Variants in KIF26B observed in about 807,000 individuals in gnomAD.
KIF26B encodes kinesin-like protein KIF26B.
In KIF26B, 63 loss-of-function variants were observed where a neutral mutation model predicts 151.2. That is an observed-to-expected ratio of 0.42 (90% CI 0.34 to 0.51). The LOEUF (loss-of-function observed/expected upper bound fraction) is 0.51, where lower values mean the gene tolerates loss of function less well. KIF26B is among the 20% of genes least tolerant of loss of function. The pLI, the probability that KIF26B is intolerant of heterozygous loss-of-function variation, is 0.07. For missense variants in KIF26B, 2,813 were observed against 2,913.6 expected (o/e 0.97, Z 0.79); for synonymous variants, 1,357 against 1,262.1 (o/e 1.08, Z -1.59).
intron 9 of KIF26B, among the ~76,000 whole-genome samples, chr1:245,627,175 C>G (rs1365368256): frequency 6.6e-6 from 1 of 152,112 alleles, no homozygotes; most frequent in Admixed American, 6.5e-5. Flanking sequence ...TGTGATGCCT[C>G]CAGCTTGTTT....
intron 10 of KIF26B, among the ~76,000 whole-genome samples, chr1:245,661,279 C>T (rs12407123): frequency 0.31 from 46,876 of 151,886 alleles, 8,990 homozygotes; most frequent in Non-Finnish European, 0.42. Context: ...TGAGCCACTG[C>T]GCCTGGCCCA....
At chr1:245,161,657 T>C (rs908121437) in intron 2 of KIF26B, among the ~76,000 whole-genome samples, 2 of 152,170 alleles carry the variant, frequency 1.3e-5, no homozygotes, top group African/African-American at 4.8e-5. Flanking sequence ...TAATCTCATA[T>C]ATTAAAATGA....
intron 2 of KIF26B, among the ~76,000 whole-genome samples, chr1:245,365,494 C>A (rs1372466595): frequency 6.6e-6 from 1 of 150,854 alleles, no homozygotes; most frequent in Non-Finnish European, 1.5e-5. Context: ...ATCTTCCTGC[C>A]CCGTCACTGC....
At chr1:245,273,719 C>CTCTT (rs1357303071) in intron 2 of KIF26B, among the ~76,000 whole-genome samples, 1 of 152,164 alleles carries the variant, frequency 6.6e-6, no homozygotes, top group Non-Finnish European at 1.5e-5. Flanking sequence ...TAGACTACCT[C>CTCTT]TCTTTACCCT....
At chr1:245,335,717 A>G in intron 2 of KIF26B, among the ~76,000 whole-genome samples, 1 of 145,638 alleles carries the variant, frequency 6.9e-6, no homozygotes, top group Non-Finnish European at 1.5e-5. Flanking sequence ...ACGTGGGGAA[A>G]GAAGAGTCCC....
At chr1:245,438,092 T>C (rs1157390887) in intron 4 of KIF26B, among the ~76,000 whole-genome samples, 1 of 152,246 alleles carries the variant, frequency 6.6e-6, no homozygotes, top group Non-Finnish European at 1.5e-5. Context: ...CTTTCCACTA[T>C]GTTCTGAGCC....
At chr1:245,377,223 T>TA (rs1255370109) in intron 3 of KIF26B, among the ~76,000 whole-genome samples, 1 of 152,240 alleles carries the variant, frequency 6.6e-6, no homozygotes, top group African/African-American at 2.4e-5. Context: ...CCTGTGGCTT[T>TA]AAAAGCAACA....
At chr1:245,419,225 G>A (rs949900824) in intron 3 of KIF26B, among the ~76,000 whole-genome samples, 4 of 152,146 alleles carry the variant, frequency 2.6e-5, no homozygotes, top group African/African-American at 9.7e-5. Flanking sequence ...GGCTATTCCT[G>A]GTAAGAAGCC....
At position 245,193,882 on chromosome 1, in the gene KIF26B, G is replaced by A. The variant is rs898974862; in HGVS notation, c.465+37199G>A. ...AAACAACTGGCAAATCAATGGCAGA[G>A]AAAGATTCAGAGCAGAGACAGGGCT... is the stretch of plus-strand genomic sequence containing the variant. On this transcript the variant is annotated intron_variant, in intron 2 of 14. Transcript: ENST00000407071. 3.9e-5 allele frequency among the ~76,000 whole-genome samples: 6 copies of A among 152,366 alleles called. No individual in the cohort carries two copies. The East Asian group carries it at 1.2e-3, about 29-fold the overall frequency.
chr1:245,317,304 C>G (rs1483719743), intron 2 of KIF26B, among the ~76,000 whole-genome samples: 1 of 152,136 alleles, frequency 6.6e-6, no homozygotes, highest in East Asian at 1.9e-4. Flanking sequence ...CCTAATATCC[C>G]TTACATTTTT....
intron 4 of KIF26B, among the ~76,000 whole-genome samples, chr1:245,474,415 G>T (rs12729812): frequency 0.55 from 75,392 of 136,908 alleles, 23,184 homozygotes; most frequent in Non-Finnish European, 0.69. Context: ...GCTTTTTTTT[G>T]TTGTTGTTTT....
chr1:245,574,933 C>T (rs1277931288), intron 5 of KIF26B, among the ~76,000 whole-genome samples: 55 of 144,734 alleles, frequency 3.8e-4, no homozygotes, highest in African/African-American at 1.4e-3. Flanking sequence ...GGCGCGATCT[C>T]GGCTCACTGC....
At chr1:245,202,521 G>T (rs1669317974) in intron 2 of KIF26B, among the ~76,000 whole-genome samples, 1 of 152,134 alleles carries the variant, frequency 6.6e-6, no homozygotes, top group Non-Finnish European at 1.5e-5. Flanking sequence ...CACTTTGGGG[G>T]GCCAAGGCGG....
At chr1:245,422,960 ATGG>A (rs1460580256) in intron 4 of KIF26B, among the ~76,000 whole-genome samples, 2 of 152,098 alleles carry the variant, frequency 1.3e-5, no homozygotes, top group African/African-American at 4.8e-5. Flanking sequence ...TTAGCTGGGC[ATGG>A]TGGTGCATGT....
At chr1:245,246,396 C>CT (rs1480030910) in intron 2 of KIF26B, among the ~76,000 whole-genome samples, 13 of 152,330 alleles carry the variant, frequency 8.5e-5, no homozygotes, top group Admixed American at 8.5e-4. Context: ...GAATATTTAG[C>CT]TGGTACACAT....
chr1:245,273,333 G>A lies in KIF26B; in HGVS notation c.466-93501G>A, dbSNP rs540396372. Among the ~76,000 whole-genome samples, 9 of 151,276 alleles carry A rather than the reference G, an allele frequency of 5.9e-5. No homozygotes were observed. The South Asian group carries it at 8.4e-4, about 14-fold the overall frequency. On this transcript the variant is annotated intron_variant, in intron 2 of 14. Transcript: ENST00000407071. ...CTTGGGAGGCTGAGGCCAGAGAATC[G>A]CTTGAACCCAGGCAGCAGAGTTTGC... is the stretch of plus-strand genomic sequence containing the variant.
intron 5 of KIF26B, among the ~76,000 whole-genome samples, chr1:245,592,413 A>G (rs891885772): frequency 7.2e-5 from 11 of 152,222 alleles, no homozygotes; most frequent in African/African-American, 2.2e-4. Flanking sequence ...GAGCAAGTCA[A>G]TCTCTGCAGC....
At chr1:245,223,278 G>C (rs1558351333) in intron 2 of KIF26B, among the ~76,000 whole-genome samples, 1 of 152,112 alleles carries the variant, frequency 6.6e-6, no homozygotes, top group Non-Finnish European at 1.5e-5. Context: ...GGATTCACTG[G>C]TATACTTCCT....
At chr1:245,632,512 T>C (rs896992693) in intron 9 of KIF26B, among the ~76,000 whole-genome samples, 1 of 152,234 alleles carries the variant, frequency 6.6e-6, no homozygotes, top group African/African-American at 2.4e-5. Context: ...AATGAAATGC[T>C]CTCTAAATAT....
Sources: gnomAD v4.1 joint callset for allele counts (sites outside exome capture counted in the v4.1 genomes callset) on GRCh38, gnomAD v4.1.1 for gene constraint, MANE v1.5 for transcripts, NCBI Gene and HGNC (gene_info 2026-07-23, HGNC 2026-07-21) for gene names.